The following TMEM132C variants were observed in gnomAD, a reference collection of about 807,000 sequenced individuals.
TMEM132C encodes protein phosphatase 1, regulatory subunit 152.
Under a neutral mutation model 61.4 loss-of-function variants are expected in TMEM132C, and 29 were observed. The observed-to-expected ratio is 0.47, with a 90% confidence interval of 0.35 to 0.64. The LOEUF is 0.64. TMEM132C is among the 30% of genes least tolerant of loss of function. TMEM132C has a pLI of 0.00. For missense variants in TMEM132C, 1,408 were observed against 1,476.9 expected (o/e 0.95, Z 0.76); for synonymous variants, 656 against 633.1 (o/e 1.04, Z -0.54).
At chr12:128,281,020 C>T (rs1870875442) in intron 1 of TMEM132C, among the ~76,000 whole-genome samples, 1 of 152,162 alleles carries the variant, frequency 6.6e-6, no homozygotes, top group African/African-American at 2.4e-5. Context: ...AGCTTTGAGA[C>T]TGTGATCAAC....
chr12:128,302,451 C>A (rs1467932325), intron 1 of TMEM132C, among the ~76,000 whole-genome samples: 2 of 152,214 alleles, frequency 1.3e-5, no homozygotes, highest in East Asian at 3.8e-4. Flanking sequence ...GCTTTTCATT[C>A]CTCTCTGAAA....
chr12:128,511,503 C>T (rs1719357117), intron 2 of TMEM132C, among the ~76,000 whole-genome samples: 1 of 152,220 alleles, frequency 6.6e-6, no homozygotes, highest in African/African-American at 2.4e-5. Flanking sequence ...TAGATTGAAG[C>T]CATCTAAGGG....
At chr12:128,564,413 AG>A (rs1365331534) in intron 3 of TMEM132C, among the ~76,000 whole-genome samples, 2 of 152,198 alleles carry the variant, frequency 1.3e-5, no homozygotes, top group Non-Finnish European at 2.9e-5. Flanking sequence ...CCCGCAAGCC[AG>A]CATGAGATTC....
intron 1 of TMEM132C, among the ~76,000 whole-genome samples, chr12:128,299,426 A>G (rs1252204066): frequency 4.6e-5 from 7 of 152,176 alleles, no homozygotes; most frequent in Non-Finnish European, 8.8e-5. Flanking sequence ...GAGTTAAGCA[A>G]TGTACACGGA....
chr12:128,643,190 A>G (rs1954170761), intron 4 of TMEM132C, among the ~76,000 whole-genome samples: 1 of 152,200 alleles, frequency 6.6e-6, no homozygotes, highest in Admixed American at 6.5e-5. Context: ...ACGTGGGACA[A>G]GGGATTTCAG....
At chr12:128,426,816 C>G (rs1449412559) in intron 2 of TMEM132C, among the ~76,000 whole-genome samples, 2 of 152,182 alleles carry the variant, frequency 1.3e-5, no homozygotes, top group Non-Finnish European at 2.9e-5. Context: ...GACTCCAGCT[C>G]TGTGAAAACA....
intron 2 of TMEM132C, among the ~76,000 whole-genome samples, chr12:128,539,432 C>T (rs58255523): frequency 2.0e-5 from 3 of 152,034 alleles, no homozygotes; most frequent in Admixed American, 1.3e-4. Flanking sequence ...CTGACTAACA[C>T]GGTGAAACCC....
intron 8 of TMEM132C, among the ~76,000 whole-genome samples, chr12:128,699,652 T>C (rs1954789809): frequency 6.6e-6 from 1 of 152,202 alleles, no homozygotes; most frequent in African/African-American, 2.4e-5. Context: ...ACTCATGTGA[T>C]TTCACTGGAC....
At chr12:128,483,695 G>C (rs982943510) in intron 2 of TMEM132C, among the ~76,000 whole-genome samples, 1 of 152,158 alleles carries the variant, frequency 6.6e-6, no homozygotes, top group Non-Finnish European at 1.5e-5. Flanking sequence ...TGTAGAACTG[G>C]CTCTTCAGAG....
At chr12:128,690,467 C>T (rs969501704) in intron 5 of TMEM132C, among the ~76,000 whole-genome samples, 21 of 152,162 alleles carry the variant, frequency 1.4e-4, no homozygotes, top group African/African-American at 3.9e-4. Flanking sequence ...CTATCATGCA[C>T]GGCTACTTCA....
At chr12:128,475,809 T>C (rs1871136599) in intron 2 of TMEM132C, among the ~76,000 whole-genome samples, 1 of 152,146 alleles carries the variant, frequency 6.6e-6, no homozygotes, top group Non-Finnish European at 1.5e-5. Flanking sequence ...CTCCCAGCAG[T>C]CCTGTACGAG....
chr12:128,598,185 G>A (rs1472149877), intron 3 of TMEM132C, among the ~76,000 whole-genome samples: 1 of 152,216 alleles, frequency 6.6e-6, no homozygotes, highest in African/African-American at 2.4e-5. Flanking sequence ...GGGAGGCCAA[G>A]GCAGGCAGAT....
At chr12:128,367,997 G>A (rs558070965) in intron 1 of TMEM132C, among the ~76,000 whole-genome samples, 116 of 152,296 alleles carry the variant, frequency 7.6e-4, no homozygotes, top group Non-Finnish European at 1.3e-3. Context: ...GATGAAAGAG[G>A]TCAGATAATA....
At chr12:128,411,422 C>G (rs576712283) in intron 1 of TMEM132C, among the ~76,000 whole-genome samples, 1 of 152,152 alleles carries the variant, frequency 6.6e-6, no homozygotes, top group African/African-American at 2.4e-5. Flanking sequence ...ACAGTATCAT[C>G]GAGTCATAGA....
chr12:128,409,063 T>G (rs1039881393), intron 1 of TMEM132C, among the ~76,000 whole-genome samples: 1 of 151,958 alleles, frequency 6.6e-6, no homozygotes, highest in Non-Finnish European at 1.5e-5. Context: ...TTTCTGGGGG[T>G]TTTAAAAAAC....
chr12:128,301,855 G>A (rs575294720), intron 1 of TMEM132C, among the ~76,000 whole-genome samples: 1 of 152,306 alleles, frequency 6.6e-6, no homozygotes, highest in Non-Finnish European at 1.5e-5. Context: ...CCATGTGGCT[G>A]GGGAGGCCTC....
chr12:128,316,439 G>A (rs999965079), intron 1 of TMEM132C, among the ~76,000 whole-genome samples: 1 of 152,170 alleles, frequency 6.6e-6, no homozygotes, highest in Admixed American at 6.5e-5. Flanking sequence ...GAGACAGGAC[G>A]TTTCCATTCC....
At chr12:128,469,696 GTATATATATGCATTTATGTGTGTGTGTA>G (rs1200650742) in intron 2 of TMEM132C, among the ~76,000 whole-genome samples, 3 of 151,190 alleles carry the variant, frequency 2.0e-5, no homozygotes, top group East Asian at 3.9e-4. Context: ...GTGTGTGTAT[GTATATATATGCATTTATGTGTGTGTGTA>G]TATATATATG....
chr12:128,457,613 T>TA (rs1380250908), intron 2 of TMEM132C, among the ~76,000 whole-genome samples: 15 of 151,554 alleles, frequency 9.9e-5, no homozygotes, highest in African/African-American at 3.4e-4. Context: ...TAGTGATGCC[T>TA]AATGGTATAT....
Sources: allele counts gnomAD v4.1 joint callset (sites outside exome capture counted in the v4.1 genomes callset), GRCh38; gene constraint gnomAD v4.1.1; transcripts MANE v1.5; gene names NCBI Gene and HGNC (gene_info 2026-07-23, HGNC 2026-07-21).